PCSK5: variants seen among roughly 807,000 people sequenced by gnomAD.
PCSK5 encodes the protein prohormone convertase 5.
Under a neutral mutation model 233.2 loss-of-function variants are expected in PCSK5, and 129 were observed. The observed-to-expected ratio is 0.55, with a 90% confidence interval of 0.48 to 0.64. The LOEUF is 0.64. PCSK5 is among the 30% of genes least tolerant of loss of function. PCSK5 has a pLI of 0.00. For synonymous variants in PCSK5, 825 were observed against 879.2 expected (o/e 0.94, Z 1.09); for missense variants, 2,076 against 2,430.1 (o/e 0.85, Z 3.06).
At chr9:76,200,270 A>G (rs931912530) in intron 20 of PCSK5, among the ~76,000 whole-genome samples, 1 of 152,178 alleles carries the variant, frequency 6.6e-6, no homozygotes, top group African/African-American at 2.4e-5. Flanking sequence ...TGTTCTAGTC[A>G]TGCCAACTTT....
chr9:76,156,971 G>T, intron 10 of PCSK5, 74 bp from the exon 11 acceptor site: 1 of 953,264 alleles, frequency 1.0e-6, no homozygotes, highest in South Asian at 1.3e-5. Context: ...GTGGTGTCTG[G>T]GGTCTCTACT....
intron 2 of PCSK5, among the ~76,000 whole-genome samples, chr9:75,978,869 C>CTTTTTTTTTTTTTTTTTTTT (rs5898441): frequency 7.8e-6 from 1 of 128,044 alleles, no homozygotes; most frequent in Non-Finnish European, 1.6e-5. Flanking sequence ...GAATGTTTCC[C>CTTTTTTTTTTTTTTTTTTTT]TTTTTTTTTT....
intron 5 of PCSK5, among the ~76,000 whole-genome samples, chr9:76,060,689 A>G (rs1253448627): frequency 1.3e-5 from 2 of 152,242 alleles, no homozygotes; most frequent in East Asian, 3.8e-4. Flanking sequence ...GAGATGAGTA[A>G]TCAGAGTTGA....
At chr9:75,950,131 TTG>T (rs202103747) in intron 2 of PCSK5, among the ~76,000 whole-genome samples, 2 of 61,566 alleles carry the variant, frequency 3.2e-5, no homozygotes, top group Admixed American at 2.0e-4. Context: ...TGGGACACAC[TTG>T]TGTGTGTGTG....
chr9:76,096,429 G>T (rs1330002152), intron 8 of PCSK5, among the ~76,000 whole-genome samples: 1 of 152,110 alleles, frequency 6.6e-6, no homozygotes, highest in Non-Finnish European at 1.5e-5. Flanking sequence ...GCCTGACTCA[G>T]TCCTGTACTC....
intron 1 of PCSK5, among the ~76,000 whole-genome samples, chr9:75,897,729 G>T (rs1421174699): frequency 4.6e-5 from 7 of 151,998 alleles, no homozygotes; most frequent in African/African-American, 1.7e-4. Context: ...CTGATCTCAA[G>T]TGATCCACCT....
chr9:76,336,120 G>C (rs1203299140), intron 34 of PCSK5, among the ~76,000 whole-genome samples: 2 of 152,156 alleles, frequency 1.3e-5, no homozygotes, highest in African/African-American at 4.8e-5. Context: ...CAGTCTTACA[G>C]ATTGACACAT....
At position 76,351,473 on chromosome 9, in the gene PCSK5, A is replaced by AAAGAAAG. The variant is rs1405501165; in HGVS notation, c.5067+548_5067+554dup. On this transcript the variant is annotated intron_variant, in intron 36 of 37. Transcript: ENST00000674117. ...GAAAGAAAGAAAGAAAGAAAGAAAG[A>AAAGAAAG]AAGAAAGAAAGAAAGAAAGAAAGAA... is the stretch of plus-strand genomic sequence containing the variant. Among the ~76,000 whole-genome samples the AAAGAAAG allele has an allele frequency of 1.6e-3, 124 of 78,462 alleles. 8 individuals carry two copies. The highest frequency in any genetic ancestry group is 4.8e-3 in the African/African-American group (114 of 23,964). 51.5% of individuals were successfully genotyped at this position (78,462 alleles called of 152,430 possible).
chr9:76,227,723 C>G (rs1449068573), intron 21 of PCSK5, 118 bp downstream of exon 21: 1 of 672,300 alleles, frequency 1.5e-6, no homozygotes, highest in Non-Finnish European at 2.6e-6. Flanking sequence ...GAAGCAAACT[C>G]TTTCCCACTC....
chr9:75,927,060 C>A (rs1823524263), intron 1 of PCSK5, among the ~76,000 whole-genome samples: 1 of 152,150 alleles, frequency 6.6e-6, no homozygotes. Flanking sequence ...AGACGTTGAA[C>A]AATTTTATAC....
At chr9:75,947,497 T>TA (rs895034173) in intron 2 of PCSK5, among the ~76,000 whole-genome samples, 1,499 of 143,730 alleles carry the variant, frequency 0.01, 13 homozygotes, top group Non-Finnish European at 0.011. Context: ...CAAGAAAAAT[T>TA]AAAAAAAAAA....
intron 3 of PCSK5, among the ~76,000 whole-genome samples, chr9:76,001,349 G>A (rs1039709698): frequency 4.5e-4 from 68 of 151,068 alleles, no homozygotes; most frequent in African/African-American, 1.7e-3. Flanking sequence ...CTCTCTCTAA[G>A]TATTTTGAAA....
intron 5 of PCSK5, among the ~76,000 whole-genome samples, chr9:76,054,447 A>G (rs547107953): frequency 6.6e-6 from 1 of 152,348 alleles, no homozygotes; most frequent in South Asian, 2.1e-4. Flanking sequence ...TGGGGCAGAT[A>G]AAAGGAGAGA....
At chr9:76,124,745 CAAA>C (rs58659276) in intron 9 of PCSK5, among the ~76,000 whole-genome samples, 15,604 of 91,450 alleles carry the variant, frequency 0.17, 1,060 homozygotes, top group East Asian at 0.35. Context: ...GACTCCATCT[CAAA>C]AAAAAAAAAA....
chr9:76,221,705 C>A (rs1228056867), intron 20 of PCSK5, among the ~76,000 whole-genome samples: 2 of 152,176 alleles, frequency 1.3e-5, no homozygotes, highest in Non-Finnish European at 2.9e-5. Context: ...CTAGAAAGAT[C>A]AACTCTTAAT....
At chr9:76,285,898 G>T (rs888450259) in intron 24 of PCSK5, among the ~76,000 whole-genome samples, 1 of 151,838 alleles carries the variant, frequency 6.6e-6, no homozygotes, top group African/African-American at 2.4e-5. Context: ...TTTCATTTTC[G>T]TCTTTTTTAG....
In PCSK5 at chr9:76,310,834, C is replaced by T. The variant is rs1174880872; in HGVS notation, c.3867C>T (p.Cys1289=). ...CTCTCTTCCTCCATGAAGGCAGGTG[C>T]TACTCCAAGTGCCCGGAGTAAGTTT... ...GHPLFLHEGR[C]YSKCPEGSYA... is the part of the protein sequence containing the mutation. The change falls in exon 30 of 38, where the codon TGC becomes TGT. Residue 1289 remains cysteine, a synonymous_variant. Transcript: ENST00000674117. 2 of 1,601,544 alleles carry T rather than the reference C, an allele frequency of 1.2e-6. No homozygotes were observed. The highest frequency in any genetic ancestry group is 1.7e-5 in the Admixed American group (1 of 57,368).
At chr9:75,918,766 AG>A (rs1823116847) in intron 1 of PCSK5, among the ~76,000 whole-genome samples, 1 of 152,238 alleles carries the variant, frequency 6.6e-6, no homozygotes, top group South Asian at 2.1e-4. Context: ...ATGATTCTCA[AG>A]GTTGCTTTTT....
At chr9:76,040,403 C>CTGTCTCTCTGTCTCTCTG (rs1252717136) in intron 5 of PCSK5, among the ~76,000 whole-genome samples, 1 of 130,862 alleles carries the variant, frequency 7.6e-6, no homozygotes, top group East Asian at 2.3e-4. Context: ...CTCTCTCTCT[C>CTGTCTCTCTGTCTCTCTG]TCTCTCTCTC....
Sources: gnomAD v4.1 joint callset for allele counts (sites outside exome capture counted in the v4.1 genomes callset) on GRCh38, gnomAD v4.1.1 for gene constraint, MANE v1.5 for transcripts, NCBI Gene and HGNC (gene_info 2026-07-23, HGNC 2026-07-21) for gene names.